The following TTN variants were observed in gnomAD, a reference collection of about 807,000 sequenced individuals.
The protein encoded by TTN is titin, also known as connectin.
TTN carries 1,525 observed loss-of-function variants against 3,223.0 expected under a neutral mutation model. The observed-to-expected ratio is 0.47, with a 90% CI of 0.45 to 0.49. The LOEUF is 0.49. Among genes scored for constraint, TTN ranks in the 20% least tolerant of loss-of-function variants. The pLI, the probability that TTN is intolerant of heterozygous loss-of-function variation, is 0.00. For missense variants in TTN, 40,786 were observed against 43,424.0 expected (o/e 0.94, Z 5.40); for synonymous variants, 14,094 against 15,161.0 (o/e 0.93, Z 5.17).
intron 28 of TTN, 27 bp downstream of exon 28, chr2:178,775,329 C>T: frequency 6.2e-7 from 1 of 1,613,182 alleles, no homozygotes; most frequent in African/African-American, 1.3e-5. Context: ...AAAGACAGGT[C>T]CATCAAAGGA....
chr2:178,698,026 G>C (rs2074029634), intron 112 of TTN, among the ~76,000 whole-genome samples: 1 of 152,264 alleles, frequency 6.6e-6, no homozygotes, highest in East Asian at 1.9e-4. Flanking sequence ...TAAGGAAAAG[G>C]TGGTATATAA....
rs749823104 is a variant in TTN at position 178,719,234 on chromosome 2, T to C, written c.24156A>G (p.Thr8052=). The part of the protein sequence containing the change: ...LNLSLLEPSD[T]GIYTCVAANV... ...TGGCAGCCACACACGTGTATATGCCTGTGTCGGAGGGCTCCAACAAGCTCA... is the reference window on the plus strand; with the variant it reads ...TGGCAGCCACACACGTGTATATGCCCGTGTCGGAGGGCTCCAACAAGCTCA... The change falls in exon 83 of 363, where the codon ACA becomes ACG. Residue 8052 remains threonine (T), a synonymous_variant. Coordinates refer to ENST00000589042, the MANE Select transcript of TTN (RefSeq NM_001267550.2). 3.6e-5 allele frequency: 58 copies of C among 1,613,626 alleles called. No homozygotes were observed. Among genetic ancestry groups the C allele is most frequent in the Non-Finnish European group, 4.2e-5 (50 of 1,179,740 alleles).
intron 121 of TTN, among the ~76,000 whole-genome samples, chr2:178,691,160 G>T (rs2072313035): frequency 6.6e-6 from 1 of 152,112 alleles, no homozygotes; most frequent in South Asian, 2.1e-4. Context: ...TAGAAACATT[G>T]CAAAGTCAGG....
At chr2:178,541,619 T>C (rs1233464843) in intron 349 of TTN, 35 bp from the exon 350 acceptor site, 3 of 1,542,012 alleles carry the variant, frequency 1.9e-6, no homozygotes, top group Admixed American at 1.9e-5. Context: ...GATATGGCAA[T>C]ATGAATACGT....
chr2:178,633,041 A>G lies in TTN; in HGVS notation c.43090T>C (p.Cys14364Arg). The G allele has an allele frequency of 6.2e-7, 1 of 1,612,714 alleles. No individual in the cohort carries two copies. Among genetic ancestry groups the G allele is most frequent in the Non-Finnish European group, 8.5e-7 (1 of 1,179,236 alleles). The change falls in exon 234 of 363, where the codon TGT becomes CGT. Residue 14364 changes from cysteine to arginine, a missense_variant. Physicochemically the swap from Cys to Arg is radical, Grantham distance 180. Transcript: ENST00000589042. The stretch of plus-strand genomic sequence containing the variant: ...TTCTTTCCATCCTCAATGATTTCAC[A>G]GTCCTGTTTGGAGTGAGGGTTAGAA... Reference protein sequence around the residue: ...KGQPLTASPDCEIIEDGKKHI... With the variant: ...KGQPLTASPDREIIEDGKKHI...
At chr2:178,743,005 G>C (rs755117012) in intron 47 of TTN, 2 of 151,984 alleles carry the variant, frequency 1.3e-5, no homozygotes, top group Non-Finnish European at 2.9e-5. Flanking sequence ...TAAAACCATT[G>C]ATAATTTTAC....
chr2:178,803,044 T>C (rs1197184314), intron 2 of TTN, among the ~76,000 whole-genome samples: 1 of 152,210 alleles, frequency 6.6e-6, no homozygotes, highest in African/African-American at 2.4e-5. Flanking sequence ...GTTTGATGTT[T>C]TAAATATATT....
chr2:178,671,942 AT>A, intron 155 of TTN, 28 bp downstream of exon 155: 1 of 1,575,600 alleles, frequency 6.3e-7, no homozygotes, highest in African/African-American at 1.4e-5. Flanking sequence ...AGATATAAGA[AT>A]TTGTAGTATT....
In TTN at chr2:178,679,709, G is replaced by A. The variant is rs532954637; in HGVS notation, c.33581-27C>T. The A allele has an allele frequency of 4.4e-5, 69 of 1,584,068 alleles. 1 individual carries two copies. In the East Asian group the frequency reaches 9.0e-4, roughly 21 times the overall value. ...TTTAAAGATATTATTAAGAATGTTG[G>A]AAATTTTGCAGGAAAGAAATAAAAT... On this transcript the variant is annotated intron_variant, in intron 140 of 362. Transcript: ENST00000589042.
rs2081008346 is a variant in TTN at position 178,734,033 on chromosome 2, A to G, written c.15497-141T>C. On this transcript the variant is annotated intron_variant, in intron 52 of 362. Coordinates refer to ENST00000589042, the MANE Select transcript of TTN (RefSeq NM_001267550.2). ...TAGTGTTAATTAGAAGAAGAAATAA[A>G]AGTTAAGAATAATTATAATTCCATC... 3 of 941,812 alleles carry G rather than the reference A, an allele frequency of 3.2e-6. No individual in the cohort carries two copies. The Admixed American group carries it at 1.0e-4, about 32-fold the overall frequency. 58.3% of individuals were successfully genotyped at this position (941,812 alleles called of 1,614,324 possible).
At position 178,790,856 on chromosome 2, in the gene TTN, G is replaced by C. The variant is rs1019647264; in HGVS notation, c.1663-11C>G. The C allele has an allele frequency of 3.7e-6, 6 of 1,613,704 alleles. No homozygotes were observed. The African/African-American group carries it at 6.7e-5, about 18-fold the overall frequency. On this transcript the variant is annotated splice_polypyrimidine_tract_variant and intron_variant, in intron 10 of 362. Coordinates refer to ENST00000589042, the MANE Select transcript of TTN (RefSeq NM_001267550.2). ...AGTTTCCTGTCTTATCTGATGTTTA[G>C]AGTAAAATAAAGATTTGAGTTTCAA...
rs2052184132 is a variant in TTN at position 178,597,931 on chromosome 2, A to C, written c.57239T>G (p.Val19080Gly). 6.2e-7 allele frequency: 1 copy of C among 1,613,274 alleles called. No homozygotes were observed. Among genetic ancestry groups the C allele is most frequent in the African/African-American group, 1.3e-5 (1 of 75,022 alleles). The change falls in exon 293 of 363, where the codon GTC becomes GGC. Residue 19080 changes from valine (V) to glycine (G), a missense_variant. Transcript: ENST00000589042. Reference sequence around the variant, plus strand: ...ACCAAGTCTGTCCTTCATTTCAATGACATCTGTGACCTCTCCAGGTTCTCC... The same window carrying C: ...ACCAAGTCTGTCCTTCATTTCAATGCCATCTGTGACCTCTCCAGGTTCTCC... Reference protein sequence around the residue: ...GIGEPGEVTDVIEMKDRLVSP... With the variant: ...GIGEPGEVTDGIEMKDRLVSP...
chr2:178,669,431 C>T lies in TTN; in HGVS notation c.35487G>A (p.Lys11829=), dbSNP rs1577184414. ...VPPAKVPGMP[K]KSVQEEKSPI... ...GTGATTTTTCTTCTTGAACACTTTT[C>T]TTAGGCATCCCAGGAACTTTAAAGA... Residue 11829 remains lysine, a synonymous_variant, in exon 159 of 363, where the codon AAG becomes AAA. Transcript: ENST00000589042. 2.4e-5 allele frequency: 37 copies of T among 1,529,682 alleles called. No homozygotes were observed. Among genetic ancestry groups the T allele is most frequent in the Non-Finnish European group, 3.2e-5 (37 of 1,150,442 alleles). The allele number at this position is 1,529,682 out of a possible 1,614,324, so 94.8% of individuals were successfully genotyped here.
rs760469826 is a variant in TTN, at chr2:178,720,503, T to C, written c.23259A>G (p.Lys7753=). The C allele has an allele frequency of 1.2e-6, 2 of 1,613,698 alleles. No individual in the cohort carries two copies. The highest frequency in any genetic ancestry group is 1.3e-5 in the African/African-American group (1 of 75,040). ...GGATATGAAGACTTGTATCAAAATG[T>C]TTTGAAGTGATTTTAAATTTCTTGC... ...RNSKKFKITS[K]HFDTSLHILN... The change falls in exon 80 of 363, where the codon AAA becomes AAG. Residue 7753 remains lysine, a synonymous_variant. Transcript: ENST00000589042.
intron 307 of TTN, 35 bp downstream of exon 307, chr2:178,587,083 T>G: frequency 6.2e-7 from 1 of 1,610,036 alleles, no homozygotes; most frequent in Non-Finnish European, 8.5e-7. Context: ...AATAGGAGAC[T>G]GGGGTTAAAA....
rs369279578 is a variant in TTN, at chr2:178,592,242, C to T, written c.59662G>A (p.Glu19888Lys). ...AGGTAACATGAATCTTTCCTAATTT[C>T]ACTGACTTCCAGATCTCTAGGTGGC... ...PGPPRDLEVSEIRKDSCYLTW... is the reference protein window; with the variant it reads ...PGPPRDLEVSKIRKDSCYLTW... Residue 19888 changes from glutamate (E) to lysine (K), a missense_variant, in exon 302 of 363, where the codon GAA becomes AAA. Physicochemically the swap from Glu to Lys is moderately conservative, Grantham distance 56 (BLOSUM62 1). Coordinates refer to ENST00000589042, the MANE Select transcript of TTN (RefSeq NM_001267550.2). The T allele has an allele frequency of 6.2e-6, 10 of 1,611,582 alleles. No homozygotes were observed. The highest frequency in any genetic ancestry group is 1.1e-5 in the South Asian group (1 of 90,766).
At position 178,586,799 on chromosome 2, in the gene TTN, C is replaced by G; in HGVS notation, c.64102G>C (p.Asp21368His). The change falls in exon 308 of 363, where the codon GAT becomes CAT. Residue 21368 changes from aspartate (D) to histidine (H), a missense_variant. Coordinates refer to ENST00000589042, the MANE Select transcript of TTN (RefSeq NM_001267550.2). ...VLASDPLSEPDPPRKLEVTEM... is the reference protein window; with the variant it reads ...VLASDPLSEPHPPRKLEVTEM... Reference sequence around the variant, plus strand: ...GTCACTTCTAATTTCCTTGGGGGATCCGGCTCACCTAGAAGAAAAACATAA... The same window carrying G: ...GTCACTTCTAATTTCCTTGGGGGATGCGGCTCACCTAGAAGAAAAACATAA... 1 of 1,611,110 alleles carries G rather than the reference C, an allele frequency of 6.2e-7. No homozygotes were observed. Among genetic ancestry groups the G allele is most frequent in the Non-Finnish European group, 8.5e-7 (1 of 1,178,866 alleles).
rs1553613561 is a variant in TTN at position 178,575,594 on chromosome 2, T to C, written c.70538A>G (p.Asn23513Ser). The C allele has an allele frequency of 1.9e-6, 3 of 1,613,682 alleles. No individual in the cohort carries two copies. Among genetic ancestry groups the C allele is most frequent in the Non-Finnish European group, 2.5e-6 (3 of 1,179,654 alleles). ...CEYFFRVMAE[N>S]EYGIGEPTET... Reference sequence around the variant, plus strand: ...TGTTGGCTCACCAATTCCATATTCATTCTCTGCCATCACTCTGAAGAAATA... The same window carrying C: ...TGTTGGCTCACCAATTCCATATTCACTCTCTGCCATCACTCTGAAGAAATA... Residue 23513 changes from asparagine to serine, a missense_variant, in exon 326 of 363, where the codon AAT becomes AGT. Physicochemically the swap from Asn to Ser is conservative, Grantham distance 46. Coordinates refer to ENST00000589042, the MANE Select transcript of TTN (RefSeq NM_001267550.2). The surrounding 1 kb of genome is among the most constrained non-coding windows in gnomAD (Gnocchi z 4.0).
chr2:178,794,007 T>C (rs779615514), intron 8 of TTN, among the ~76,000 whole-genome samples: 6 of 152,238 alleles, frequency 3.9e-5, no homozygotes, highest in Non-Finnish European at 8.8e-5. Context: ...AAAAGTCCTT[T>C]GGGGAAACTT....
Sources: allele counts gnomAD v4.1 joint callset (sites outside exome capture counted in the v4.1 genomes callset), GRCh38; gene constraint gnomAD v4.1.1; non-coding constraint Gnocchi (gnomAD v3.1); transcripts MANE v1.5; gene names NCBI Gene and HGNC (gene_info 2026-07-23, HGNC 2026-07-21).